MECOM: variants seen among roughly 807,000 people sequenced by gnomAD.
MECOM encodes the protein histone-lysine N-methyltransferase MECOM.
MECOM carries 13 observed loss-of-function variants against 116.3 expected under a neutral mutation model. The observed-to-expected ratio is 0.11, with a 90% CI of 0.07 to 0.18. MECOM has a LOEUF of 0.18. MECOM is among the 10% of genes least tolerant of loss of function. The pLI is 1.00. For missense variants in MECOM, 1,299 were observed against 1,509.0 expected (o/e 0.86, Z 2.31); for synonymous variants, 528 against 535.2 (o/e 0.99, Z 0.19).
At chr3:169,442,591 C>T (rs1289106656) in intron 1 of MECOM, among the ~76,000 whole-genome samples, 2 of 152,060 alleles carry the variant, frequency 1.3e-5, no homozygotes, top group African/African-American at 2.4e-5. Flanking sequence ...GTCAAAGAAT[C>T]ATATATTAAG....
At chr3:169,112,329 C>T (rs571714211) in intron 9 of MECOM, among the ~76,000 whole-genome samples, 1 of 152,236 alleles carries the variant, frequency 6.6e-6, no homozygotes, top group South Asian at 2.1e-4. Context: ...TCAGTGGTCT[C>T]TAGATAAATT....
chr3:169,633,752 A>T (rs1772371970), intron 1 of MECOM, among the ~76,000 whole-genome samples: 1 of 152,120 alleles, frequency 6.6e-6, no homozygotes, highest in African/African-American at 2.4e-5. Context: ...TTCGTCAGCC[A>T]GCTCAAGAAG....
intron 1 of MECOM, among the ~76,000 whole-genome samples, chr3:169,440,374 T>C (rs1743408886): frequency 6.6e-6 from 1 of 152,248 alleles, no homozygotes; most frequent in African/African-American, 2.4e-5. Flanking sequence ...AGAGGGGTTG[T>C]GGAGCCCATG....
intron 1 of MECOM, among the ~76,000 whole-genome samples, chr3:169,484,987 C>CTTATTTAT (rs61274643): frequency 1.6e-4 from 24 of 151,632 alleles, no homozygotes; most frequent in African/African-American, 4.1e-4. Context: ...TTTACTCTTG[C>CTTATTTAT]TTATTTATTT....
intron 1 of MECOM, among the ~76,000 whole-genome samples, chr3:169,523,463 C>A (rs1757593591): frequency 1.3e-5 from 2 of 150,656 alleles, no homozygotes; most frequent in South Asian, 4.2e-4. Flanking sequence ...GAGAGAACTT[C>A]TCTCTGGAGA....
chr3:169,268,058 A>G lies in MECOM; in HGVS notation c.375+113129T>C, dbSNP rs143049727. ...TCACAAGAAGCAAAAAATTGTATCT[A>G]TGATAAACTCTATACAAATTTTCCA... On this transcript the variant is annotated intron_variant, in intron 2 of 16. Transcript: ENST00000651503. Among the ~76,000 whole-genome samples, 690 of 152,312 alleles carry G rather than the reference A, an allele frequency of 4.5e-3. 5 individuals are homozygous for G. Among genetic ancestry groups the G allele is most frequent in the Middle Eastern group, 6.8e-3 (2 of 294 alleles).
chr3:169,493,011 T>C (rs2108929561), intron 1 of MECOM, among the ~76,000 whole-genome samples: 1 of 152,314 alleles, frequency 6.6e-6, no homozygotes, highest in East Asian at 1.9e-4. Context: ...CGTACCTACC[T>C]GTCTTTTCTT....
At chr3:169,114,054 C>G (rs555454980) in intron 8 of MECOM, among the ~76,000 whole-genome samples, 1 of 152,092 alleles carries the variant, frequency 6.6e-6, no homozygotes, top group African/African-American at 2.4e-5. Context: ...GAATCAGAAG[C>G]CAGTTGCTAC....
At chr3:169,532,524 T>C (rs1412804932) in intron 1 of MECOM, among the ~76,000 whole-genome samples, 14 of 152,170 alleles carry the variant, frequency 9.2e-5, no homozygotes, top group East Asian at 3.8e-4. Context: ...GAGCACTTTG[T>C]CTAAGACCCC....
At chr3:169,405,300 G>T (rs1288478230) in intron 1 of MECOM, among the ~76,000 whole-genome samples, 1 of 151,788 alleles carries the variant, frequency 6.6e-6, no homozygotes, top group East Asian at 1.9e-4. Flanking sequence ...GTCTCTGAGA[G>T]ATACAACTGC....
chr3:169,431,516 G>A (rs967270845), intron 1 of MECOM, among the ~76,000 whole-genome samples: 1 of 151,952 alleles, frequency 6.6e-6, no homozygotes, highest in Non-Finnish European at 1.5e-5. Flanking sequence ...TTGCCAAATG[G>A]TACCACAAGA....
intron 2 of MECOM, among the ~76,000 whole-genome samples, chr3:169,226,718 AG>A (rs1256529329): frequency 6.6e-6 from 1 of 152,220 alleles, no homozygotes; most frequent in African/African-American, 2.4e-5. Flanking sequence ...AATAATGGAA[AG>A]GGGAATCAAA....
intron 2 of MECOM, among the ~76,000 whole-genome samples, chr3:169,251,502 C>T (rs970299861): frequency 4.6e-5 from 7 of 152,154 alleles, no homozygotes; most frequent in Admixed American, 1.3e-4. Context: ...AAACTTCCAG[C>T]GACTTGAATG....
intron 2 of MECOM, among the ~76,000 whole-genome samples, chr3:169,328,754 G>GCTCCCAACT (rs1722262875): frequency 6.6e-6 from 1 of 152,012 alleles, no homozygotes; most frequent in African/African-American, 2.4e-5. Context: ...ACAGGGCCTC[G>GCTCCCAACT]CTCCCAACTT....
At chr3:169,321,596 T>G (rs76432045) in intron 2 of MECOM, among the ~76,000 whole-genome samples, 3,321 of 152,128 alleles carry the variant, frequency 0.022, 109 homozygotes, top group East Asian at 0.11. Context: ...TCAGAAAATG[T>G]ATCTCAGAAA....
chr3:169,575,875 A>AG, intron 1 of MECOM, among the ~76,000 whole-genome samples: 1 of 152,172 alleles, frequency 6.6e-6, no homozygotes. Flanking sequence ...AAGAGTTAAA[A>AG]AAAAAACAAA....
At chr3:169,167,730 AATTG>A (rs779504373) in intron 2 of MECOM, among the ~76,000 whole-genome samples, 7 of 152,010 alleles carry the variant, frequency 4.6e-5, no homozygotes, top group Non-Finnish European at 8.8e-5. Context: ...AATATAGAAA[AATTG>A]ATTGTGTATG....
chr3:169,278,874 C>T (rs1359505763), intron 2 of MECOM, among the ~76,000 whole-genome samples: 1 of 152,160 alleles, frequency 6.6e-6, no homozygotes, highest in Non-Finnish European at 1.5e-5. Context: ...GGGAACTGTC[C>T]AGTTTTTTCC....
intron 2 of MECOM, chr3:169,146,610 G>A (rs769184017): frequency 1.2e-5 from 17 of 1,370,620 alleles, no homozygotes; most frequent in Non-Finnish European, 1.5e-5. Context: ...AGGAAAGAAG[G>A]CTGGGGGCGG....
Sources: gnomAD v4.1 joint callset for allele counts (sites outside exome capture counted in the v4.1 genomes callset) on GRCh38, gnomAD v4.1.1 for gene constraint, MANE v1.5 for transcripts, NCBI Gene and HGNC (gene_info 2026-07-23, HGNC 2026-07-21) for gene names.